The following SPATA6 variants were observed in gnomAD, a reference collection of about 807,000 sequenced individuals.
SPATA6 encodes spermatogenesis associated 6.
In SPATA6, 56 loss-of-function variants were observed where a neutral mutation model predicts 65.3. The ratio of observed to expected loss-of-function variants is 0.86; its 90% CI spans 0.69 to 1.07. The LOEUF (loss-of-function observed/expected upper bound fraction) is 1.07, where lower values mean the gene tolerates loss of function less well. Among genes scored for constraint, SPATA6 ranks in the 50% least tolerant of loss-of-function variants. The probability of loss-of-function intolerance (pLI) is 0.00; values close to 1 mark genes in which losing one functional copy is unlikely to be tolerated. For synonymous variants in SPATA6, 199 were observed against 213.2 expected (o/e 0.93, Z 0.58); for missense variants, 590 against 594.8 (o/e 0.99, Z 0.08).
chr1:48,287,916 A>T, the SPATA6 span, among the ~76,000 whole-genome samples: 148,914 of 152,346 alleles, frequency 0.98, 72,871 homozygotes, highest in East Asian at 1. Context: ...TTTATCCAAA[A>T]GATTATAATG....
In SPATA6 at chr1:48,309,529, G is replaced by A. The variant is rs75722974; in HGVS notation, c.1195-3651C>T. Among the ~76,000 whole-genome samples, 268 of 152,122 alleles carry A rather than the reference G, an allele frequency of 1.8e-3. 11 individuals carry two copies. In the East Asian group the frequency reaches 0.047, roughly 27 times the overall value. Reference sequence around the variant, plus strand: ...TTGATTGAAATTTTATATTTTATGAGACATAATTCTAACACTTTATTTCTT... The same window carrying A: ...TTGATTGAAATTTTATATTTTATGAAACATAATTCTAACACTTTATTTCTT... On this transcript the variant is annotated intron_variant, in intron 11 of 12. Transcript: ENST00000371847.
intron 3 of SPATA6, among the ~76,000 whole-genome samples, chr1:48,440,499 A>C (rs147617481): frequency 0.016 from 2,490 of 152,276 alleles, 82 homozygotes; most frequent in African/African-American, 0.057. Flanking sequence ...ATTCCCTACC[A>C]GTCAGCAACC....
intron 1 of SPATA6, among the ~76,000 whole-genome samples, chr1:48,468,220 G>C (rs1657961766): frequency 6.6e-6 from 1 of 152,154 alleles, no homozygotes; most frequent in Non-Finnish European, 1.5e-5. Flanking sequence ...GAGGGGGTGT[G>C]TGTGTACACT....
intron 4 of SPATA6, 122 bp downstream of exon 4, chr1:48,412,988 A>C: frequency 7.3e-6 from 2 of 272,996 alleles, no homozygotes; most frequent in Non-Finnish European, 1.3e-5. Flanking sequence ...TTACTTTATC[A>C]GTATATAATA....
chr1:48,288,719 G>A, the SPATA6 span, among the ~76,000 whole-genome samples: 1 of 152,192 alleles, frequency 6.6e-6, no homozygotes, highest in Non-Finnish European at 1.5e-5. Context: ...GGCTCGGAGG[G>A]TCCCACACCC....
intron 3 of SPATA6, among the ~76,000 whole-genome samples, chr1:48,438,633 C>T (rs1655169631): frequency 6.6e-6 from 1 of 152,160 alleles, no homozygotes; most frequent in East Asian, 1.9e-4. Context: ...ATCACCCAAG[C>T]GAGACTCGCC....
intron 3 of SPATA6, among the ~76,000 whole-genome samples, chr1:48,437,917 A>T (rs1397837540): frequency 1.3e-5 from 2 of 151,750 alleles, no homozygotes; most frequent in Non-Finnish European, 2.9e-5. Flanking sequence ...AAAACACACC[A>T]ATCAGCGCTC....
intron 1 of SPATA6, among the ~76,000 whole-genome samples, chr1:48,454,291 T>C (rs1167397549): frequency 6.6e-6 from 1 of 152,132 alleles, no homozygotes; most frequent in African/African-American, 2.4e-5. Flanking sequence ...ATTCAAAGTA[T>C]ATTTTTTATT....
chr1:48,358,621 T>G (rs1157479158), intron 10 of SPATA6, among the ~76,000 whole-genome samples: 2 of 152,108 alleles, frequency 1.3e-5, no homozygotes, highest in Non-Finnish European at 2.9e-5. Context: ...ATGCAAGTTA[T>G]CAACTTCAGC....
chr1:48,324,429 A>T (rs1315198448), intron 11 of SPATA6, among the ~76,000 whole-genome samples: 2 of 152,186 alleles, frequency 1.3e-5, no homozygotes, highest in African/African-American at 4.8e-5. Flanking sequence ...ATGAACATTG[A>T]TATAAAAACT....
chr1:48,387,441 G>C (rs527712651), intron 8 of SPATA6, among the ~76,000 whole-genome samples: 13 of 152,300 alleles, frequency 8.5e-5, no homozygotes, highest in African/African-American at 2.9e-4. Flanking sequence ...CTGGGCTGAG[G>C]TACGAGTGGT....
At chr1:48,391,212 A>G (rs966778769) in intron 8 of SPATA6, among the ~76,000 whole-genome samples, 2 of 151,696 alleles carry the variant, frequency 1.3e-5, no homozygotes, top group Non-Finnish European at 2.9e-5. Flanking sequence ...AGAAAAAAAA[A>G]AAAAAAAAAA....
the SPATA6 span, among the ~76,000 whole-genome samples, chr1:48,272,540 T>C: frequency 6.6e-6 from 1 of 152,154 alleles, no homozygotes; most frequent in Admixed American, 6.5e-5. Context: ...GGCAGAATAG[T>C]ATTCCTTTGT....
intron 1 of SPATA6, among the ~76,000 whole-genome samples, chr1:48,453,533 A>C (rs1386249640): frequency 1.3e-5 from 2 of 151,306 alleles, no homozygotes; most frequent in Admixed American, 6.6e-5. Context: ...ATTTTAAAAA[A>C]CGCTGATAAA....
intron 9 of SPATA6, among the ~76,000 whole-genome samples, chr1:48,360,496 G>C (rs539598636): frequency 6.6e-6 from 1 of 152,056 alleles, no homozygotes; most frequent in Non-Finnish European, 1.5e-5. Context: ...AAGATTATCT[G>C]TGGAAAGACT....
At chr1:48,458,017 T>A (rs1657139370) in intron 1 of SPATA6, among the ~76,000 whole-genome samples, 1 of 151,100 alleles carries the variant, frequency 6.6e-6, no homozygotes. Context: ...AGAAAGGTTT[T>A]CTGTAATAGT....
chr1:48,399,114 C>T (rs933000695), intron 7 of SPATA6: 1 of 465,346 alleles, frequency 2.1e-6, no homozygotes, highest in African/African-American at 2.0e-5. Flanking sequence ...GAAACCGGTA[C>T]TGAGAGGATT....
chr1:48,406,160 A>G (rs1271200770), intron 5 of SPATA6, among the ~76,000 whole-genome samples: 1 of 152,058 alleles, frequency 6.6e-6, no homozygotes, highest in Non-Finnish European at 1.5e-5. Context: ...GTGGGAGGTC[A>G]AGGCTGCAGT....
chr1:48,396,608 A>T (rs1260317810), intron 7 of SPATA6, among the ~76,000 whole-genome samples: 1 of 151,812 alleles, frequency 6.6e-6, no homozygotes, highest in East Asian at 1.9e-4. Context: ...ATTCTCACAT[A>T]TGCTATAACA....
Sources: gnomAD v4.1 joint callset for allele counts (sites outside exome capture counted in the v4.1 genomes callset) on GRCh38, gnomAD v4.1.1 for gene constraint, MANE v1.5 for transcripts, NCBI Gene and HGNC (gene_info 2026-07-23, HGNC 2026-07-21) for gene names.